The following OTUD4 variants were observed in gnomAD, a reference collection of about 807,000 sequenced individuals.
The protein encoded by OTUD4 is OTU domain-containing protein 4.
In OTUD4, 24 loss-of-function variants were observed where a neutral mutation model predicts 130.4. The observed-to-expected ratio is 0.18, with a 90% CI of 0.13 to 0.26. The LOEUF (loss-of-function observed/expected upper bound fraction) is 0.26. OTUD4 is among the 10% of genes least tolerant of loss of function. The probability of loss-of-function intolerance (pLI) is 1.00; values close to 1 mark genes in which losing one functional copy is unlikely to be tolerated. For missense variants in OTUD4, 1,031 were observed against 1,329.4 expected (o/e 0.78, Z 3.49); for synonymous variants, 420 against 472.5 (o/e 0.89, Z 1.44).
chr4:145,139,052 C>G (rs1750432190), intron 20 of OTUD4, among the ~76,000 whole-genome samples: 1 of 152,120 alleles, frequency 6.6e-6, no homozygotes, highest in South Asian at 2.1e-4. Context: ...AATGTCAGGA[C>G]TCTGCAATTC....
At chr4:145,166,047 G>A (rs1211597137) in intron 3 of OTUD4, among the ~76,000 whole-genome samples, 1 of 151,872 alleles carries the variant, frequency 6.6e-6, no homozygotes, top group Non-Finnish European at 1.5e-5. Flanking sequence ...TATAGTCCTA[G>A]CTACTCAAGA....
At chr4:145,168,167 A>G (rs915130841) in intron 3 of OTUD4, among the ~76,000 whole-genome samples, 2 of 152,134 alleles carry the variant, frequency 1.3e-5, no homozygotes. Context: ...CCATACTATA[A>G]CAAAATTACA....
At chr4:145,139,104 G>C (rs181340478) in intron 20 of OTUD4, among the ~76,000 whole-genome samples, 101 of 152,290 alleles carry the variant, frequency 6.6e-4, no homozygotes, top group East Asian at 3.1e-3. Flanking sequence ...GATTAAGTTA[G>C]ACCTCTAATC....
intron 20 of OTUD4, among the ~76,000 whole-genome samples, chr4:145,138,900 T>C (rs1195488583): frequency 6.6e-6 from 1 of 152,214 alleles, no homozygotes; most frequent in African/African-American, 2.4e-5. Context: ...TGATAGGAGA[T>C]AGTATCTCCA....
chr4:145,166,076 G>A (rs961256343), intron 3 of OTUD4, among the ~76,000 whole-genome samples: 13 of 151,626 alleles, frequency 8.6e-5, no homozygotes, highest in African/African-American at 1.2e-4. Flanking sequence ...CAGGAGAATC[G>A]CTTGAACCCA....
intron 3 of OTUD4, 80 bp from the exon 4 acceptor site, chr4:145,165,277 T>C (rs1033974995): frequency 6.0e-6 from 5 of 836,978 alleles, no homozygotes; most frequent in African/African-American, 1.7e-5. Context: ...CATACCTTCA[T>C]ACAGCATACG....
intron 2 of OTUD4, among the ~76,000 whole-genome samples, chr4:145,172,561 A>T (rs1317664022): frequency 6.6e-6 from 1 of 152,204 alleles, no homozygotes; most frequent in Non-Finnish European, 1.5e-5. Context: ...AATCTCTAAA[A>T]GTCATTTGTT....
At position 145,179,918 on chromosome 4, in the gene OTUD4, C is replaced by T; in HGVS notation, c.56G>A (p.Arg19His). ...GGCGTCCATGGGCGTCGCGTCCTCG[C>T]GGGGCCCCGCGCCGCCCTGGTCCCC... ...DGGDQGGAGP[R>H]EDATPMDAYL... The change falls in exon 1 of 21, where the codon CGC (arginine) becomes CAC (histidine). Residue 19 changes from arginine to histidine, a missense_variant. This residue lies in a region of OTUD4 where 54 missense variants were observed against 60.6 expected (regional missense o/e 0.89). Transcript: ENST00000447906. 6.6e-7 allele frequency: 1 copy of T among 1,525,118 alleles called. No homozygotes were observed. The highest frequency in any genetic ancestry group is 8.8e-7 in the Non-Finnish European group (1 of 1,142,136). The allele number at this position is 1,525,118 out of a possible 1,614,324, so 94.5% of individuals were successfully genotyped here.
intron 12 of OTUD4, 45 bp from the exon 13 acceptor site, chr4:145,150,744 A>G: frequency 6.2e-7 from 1 of 1,603,098 alleles, no homozygotes; most frequent in Non-Finnish European, 8.5e-7. Context: ...CATATTATAA[A>G]CAATCCCAAG....
rs1017071051 is a variant in OTUD4, at chr4:145,180,569, C to A, written c.-596G>T. Among the ~76,000 whole-genome samples the A allele has an allele frequency of 6.6e-6, 1 of 152,232 alleles. No individual in the cohort carries two copies. The highest frequency in any genetic ancestry group is 2.4e-5 in the African/African-American group (1 of 41,464). On this transcript the variant is annotated 5_prime_UTR_variant, in exon 1 of 21. Coordinates refer to ENST00000447906, the MANE Select transcript of OTUD4 (RefSeq NM_001366057.1). ...GCCCAGAATTTGTTTTCGCTTTCGG[C>A]CCGACAGCGGAGAGGACGGCGGGAG...
chr4:145,156,597 C>A (rs1011509478), intron 7 of OTUD4, among the ~76,000 whole-genome samples: 2 of 151,810 alleles, frequency 1.3e-5, no homozygotes, highest in African/African-American at 4.8e-5. Context: ...GCAGGAGAAT[C>A]GCTTGAACCC....
At chr4:145,166,060 C>T (rs955201592) in intron 3 of OTUD4, among the ~76,000 whole-genome samples, 18 of 151,712 alleles carry the variant, frequency 1.2e-4, no homozygotes, top group African/African-American at 4.1e-4. Context: ...ACTCAAGAGG[C>T]TGAGGCAGGA....
Position 145,143,353 on chromosome 4 carries a change from C to CAA in OTUD4, c.1683+10_1683+11dup. On this transcript the variant is annotated intron_variant, in intron 17 of 20. Coordinates refer to ENST00000447906, the MANE Select transcript of OTUD4 (RefSeq NM_001366057.1). The stretch of plus-strand genomic sequence containing the variant: ...GTGGAGCATTCAATGTTAAATGCAA[C>CAA]AATATACTTACTTGTTCCGCAGGAG... 2 of 1,548,186 alleles carry CAA rather than the reference C, an allele frequency of 1.3e-6. No individual in the cohort carries two copies. The highest frequency in any genetic ancestry group is 1.8e-6 in the Non-Finnish European group (2 of 1,120,924).
In OTUD4 at chr4:145,162,701, A is replaced by G. The variant is rs1751640302; in HGVS notation, c.435T>C (p.Asn145=). The part of the protein sequence containing the change: ...FPEKVLLCFS[N]GNHYDIVYPI... ...GATACACAATATCATAATGATTTCC[A>G]TTTGAAAAACACAGTAACACCTGAA... The change falls in exon 6 of 21, where the codon AAT becomes AAC. Residue 145 remains asparagine, a synonymous_variant. Coordinates refer to ENST00000447906, the MANE Select transcript of OTUD4 (RefSeq NM_001366057.1). 9 of 1,561,058 alleles carry G rather than the reference A, an allele frequency of 5.8e-6. No homozygotes were observed. Among genetic ancestry groups the G allele is most frequent in the Non-Finnish European group, 7.9e-6 (9 of 1,142,188 alleles).
chr4:145,142,402 C>G (rs1750608640), intron 17 of OTUD4, 68 bp from the exon 18 acceptor site: 4 of 1,399,552 alleles, frequency 2.9e-6, no homozygotes, highest in Non-Finnish European at 4.0e-6. Flanking sequence ...AACACTATTT[C>G]TAACCACCAG....
Position 145,174,768 on chromosome 4 carries a change from C to T in OTUD4, c.160-24G>A, listed in dbSNP as rs776760827. 6 of 1,356,432 alleles carry T rather than the reference C, an allele frequency of 4.4e-6. No homozygotes were observed. In the Admixed American group the frequency reaches 5.0e-5, roughly 11 times the overall value. 84.0% of individuals were successfully genotyped at this position (1,356,432 alleles called of 1,614,324 possible). On this transcript the variant is annotated intron_variant, in intron 1 of 20. Transcript: ENST00000447906. The stretch of plus-strand genomic sequence containing the variant: ...ACCTAAAAAGAAAAGGCAACAAACA[C>T]ACTATTAAGCATTTAGTTAAAAGTT...
Position 145,137,402 on chromosome 4 carries a change from C to T in OTUD4, c.*28G>A. ...TCAGAAACATTCCACCTAAGAGTTT[C>T]TGTTAGAAAATACTTCGGCAACAAC... is the stretch of plus-strand genomic sequence containing the variant. On this transcript the variant is annotated 3_prime_UTR_variant, in exon 21 of 21. Transcript: ENST00000447906. The T allele has an allele frequency of 6.4e-7, 1 of 1,558,162 alleles. No homozygotes were observed. Among genetic ancestry groups the T allele is most frequent in the South Asian group, 1.2e-5 (1 of 84,460 alleles).
At chr4:145,140,105 C>G in intron 19 of OTUD4, 114 bp from the exon 20 acceptor site, 2 of 380,440 alleles carry the variant, frequency 5.3e-6, no homozygotes, top group South Asian at 3.4e-5. Flanking sequence ...ATTGTCTTCT[C>G]TAGCCTGTGA....
chr4:145,175,685 C>T (rs1752383971), intron 1 of OTUD4, among the ~76,000 whole-genome samples: 1 of 150,410 alleles, frequency 6.6e-6, no homozygotes, highest in Admixed American at 6.6e-5. Flanking sequence ...GCTGGGATTA[C>T]AGCCAACTAC....
Sources: gnomAD v4.1 joint callset for allele counts (sites outside exome capture counted in the v4.1 genomes callset) on GRCh38, gnomAD v4.1.1 for gene constraint, gnomAD v4.1.1 regional missense constraint, MANE v1.5 for transcripts, NCBI Gene and HGNC (gene_info 2026-07-23, HGNC 2026-07-21) for gene names.